Variants in NOL4 observed in about 807,000 individuals in gnomAD.
The protein encoded by NOL4 is nucleolar protein 4.
Under a neutral mutation model 75.9 loss-of-function variants are expected in NOL4, and 17 were observed. That is an observed-to-expected ratio of 0.22 (90% confidence interval 0.15 to 0.34). The LOEUF (loss-of-function observed/expected upper bound fraction) is 0.34. NOL4 is among the 10% of genes least tolerant of loss of function. NOL4 has a pLI of 1.00. For missense variants in NOL4, 614 were observed against 793.5 expected, an observed-to-expected ratio of 0.77 and a Z score of 2.72; for synonymous variants, 292 against 289.9, an observed-to-expected ratio of 1.01 and a Z score of -0.07.
chr18:33,952,690 C>T (rs2069323311), intron 8 of NOL4, among the ~76,000 whole-genome samples: 1 of 152,136 alleles, frequency 6.6e-6, no homozygotes, highest in African/African-American at 2.4e-5. Context: ...TTTGGGAGGC[C>T]AAGGCGGGTG....
intron 5 of NOL4, among the ~76,000 whole-genome samples, chr18:34,046,607 C>CATACATATATAT (rs1555703523): frequency 1.2e-5 from 1 of 81,658 alleles, no homozygotes; most frequent in Non-Finnish European, 2.4e-5. Context: ...TTTACTTATA[C>CATACATATATAT]ATATATATAT....
chr18:34,071,620 A>T (rs905694028), intron 5 of NOL4, among the ~76,000 whole-genome samples: 3 of 152,200 alleles, frequency 2.0e-5, no homozygotes, highest in African/African-American at 7.2e-5. Flanking sequence ...AAACTACATG[A>T]GATACTCAAC....
At chr18:34,180,209 C>A (rs898203521) in intron 1 of NOL4, among the ~76,000 whole-genome samples, 1 of 151,372 alleles carries the variant, frequency 6.6e-6, no homozygotes, top group African/African-American at 2.4e-5. Flanking sequence ...AGAACAATAT[C>A]CTTTATTAAT....
rs1292445859 is a variant in NOL4, at chr18:34,223,126, G to A, written c.128C>T (p.Ser43Phe). 1 of 1,614,202 alleles carries A rather than the reference G, an allele frequency of 6.2e-7. No homozygotes were observed. Among genetic ancestry groups the A allele is most frequent in the Admixed American group, 1.7e-5 (1 of 60,034 alleles). The stretch of plus-strand genomic sequence containing the variant: ...GGCGTTGTCCGTGGAGCTCGACTCG[G>A]AGCCATTGAGGAGCTGGACGATCCG... The part of the protein sequence containing the change: ...YERIVQLLNG[S>F]ESSSTDNAKF... The change falls in exon 1 of 11, where the codon TCC (serine) becomes TTC (phenylalanine). Residue 43 changes from serine (S) to phenylalanine (F), a missense_variant. Ser to Phe is a radical substitution (Grantham distance 155, BLOSUM62 -2). Coordinates refer to ENST00000261592, the MANE Select transcript of NOL4 (RefSeq NM_003787.5).
intron 9 of NOL4, among the ~76,000 whole-genome samples, chr18:33,902,653 G>A (rs1758341423): frequency 1.3e-5 from 2 of 152,078 alleles, no homozygotes; most frequent in Non-Finnish European, 1.5e-5. Context: ...TGGAATGTGA[G>A]TTCTTTTTTC....
At chr18:34,208,594 T>C (rs1030137512) in intron 1 of NOL4, among the ~76,000 whole-genome samples, 1 of 152,156 alleles carries the variant, frequency 6.6e-6, no homozygotes, top group African/African-American at 2.4e-5. Context: ...CTCACACCTG[T>C]AATCCTAGCA....
chr18:34,036,365 G>GA (rs2075897143), intron 5 of NOL4, among the ~76,000 whole-genome samples: 1 of 45,282 alleles, frequency 2.2e-5, no homozygotes, highest in Admixed American at 2.9e-4. Flanking sequence ...TAAAATGAAG[G>GA]GAAAAAACAA....
At chr18:33,982,554 T>C (rs2072050875) in intron 6 of NOL4, among the ~76,000 whole-genome samples, 1 of 152,020 alleles carries the variant, frequency 6.6e-6, no homozygotes, top group African/African-American at 2.4e-5. Flanking sequence ...AGCATCAAAA[T>C]ATATGAGGCA....
chr18:34,065,914 AAAGG>A (rs2077256063), intron 5 of NOL4, among the ~76,000 whole-genome samples: 1 of 151,954 alleles, frequency 6.6e-6, no homozygotes, highest in Non-Finnish European at 1.5e-5. Context: ...TCTATTATAA[AAAGG>A]AAGTCGAAAT....
intron 10 of NOL4, among the ~76,000 whole-genome samples, chr18:33,873,776 C>T (rs2063804793): frequency 6.6e-6 from 1 of 151,912 alleles, no homozygotes; most frequent in African/African-American, 2.4e-5. Flanking sequence ...AAAATGTCAC[C>T]TTGCCTGCCC....
intron 1 of NOL4, among the ~76,000 whole-genome samples, chr18:34,143,670 C>T (rs1463862345): frequency 3.3e-5 from 5 of 151,810 alleles, no homozygotes; most frequent in Non-Finnish European, 7.4e-5. Context: ...AGTTCGAGAC[C>T]AGCCTGGCCA....
chr18:34,064,789 T>C (rs2077200009), intron 5 of NOL4, among the ~76,000 whole-genome samples: 1 of 151,914 alleles, frequency 6.6e-6, no homozygotes, highest in Admixed American at 6.6e-5. Flanking sequence ...CCAAAATTGA[T>C]ACAGTTGACT....
chr18:33,892,759 G>C (rs1377568754), intron 9 of NOL4, among the ~76,000 whole-genome samples: 1 of 152,032 alleles, frequency 6.6e-6, no homozygotes, highest in Non-Finnish European at 1.5e-5. Flanking sequence ...CCAGGCTCAA[G>C]TGATCCTCTT....
chr18:33,863,434 A>AG, intron 10 of NOL4, among the ~76,000 whole-genome samples: 1 of 152,288 alleles, frequency 6.6e-6, no homozygotes, highest in South Asian at 2.1e-4. Flanking sequence ...AATAAAAAAA[A>AG]GTTACTTCCA....
At chr18:34,075,484 A>T (rs898866512) in intron 5 of NOL4, among the ~76,000 whole-genome samples, 1 of 152,182 alleles carries the variant, frequency 6.6e-6, no homozygotes, top group Non-Finnish European at 1.5e-5. Flanking sequence ...GATTTGTCAC[A>T]TGAGGTCAGG....
At chr18:33,882,124 C>G (rs2064323152) in intron 10 of NOL4, among the ~76,000 whole-genome samples, 1 of 152,144 alleles carries the variant, frequency 6.6e-6, no homozygotes, top group African/African-American at 2.4e-5. Flanking sequence ...CTAGGCATTA[C>G]CATTCAGGAC....
chr18:33,955,282 G>A (rs1298371991), intron 8 of NOL4, among the ~76,000 whole-genome samples: 1 of 151,982 alleles, frequency 6.6e-6, no homozygotes, highest in Non-Finnish European at 1.5e-5. Context: ...AAGTGTCACT[G>A]TAGCTATTCC....
intron 1 of NOL4, chr18:34,222,346 G>T: frequency 7.9e-7 from 1 of 1,267,258 alleles, no homozygotes. Flanking sequence ...AAGGGAATGG[G>T]GGGGCGGGGA....
chr18:33,906,887 C>A (rs1322772870), intron 9 of NOL4, among the ~76,000 whole-genome samples: 6 of 152,084 alleles, frequency 3.9e-5, no homozygotes, highest in Admixed American at 3.9e-4. Context: ...GACACTTTCA[C>A]ACACAAAAAG....
Sources: gnomAD v4.1 joint callset for allele counts (sites outside exome capture counted in the v4.1 genomes callset) on GRCh38, gnomAD v4.1.1 for gene constraint, MANE v1.5 for transcripts, NCBI Gene and HGNC (gene_info 2026-07-23, HGNC 2026-07-21) for gene names.